Variants in PPIG observed in about 807,000 individuals in gnomAD.
PPIG encodes peptidylprolyl isomerase G, also known as peptidyl-prolyl cis-trans isomerase G.
In PPIG, 26 loss-of-function variants were observed where a neutral mutation model predicts 87.9. The ratio of observed to expected loss-of-function variants is 0.30; its 90% CI spans 0.22 to 0.41. The LOEUF is 0.41. PPIG is among the 10% of genes least tolerant of loss of function. The pLI, the probability that PPIG is intolerant of heterozygous loss-of-function variation, is 1.00. For synonymous variants in PPIG, 308 were observed against 276.5 expected (o/e 1.11, Z -1.13); for missense variants, 722 against 879.4 (o/e 0.82, Z 2.26).
chr2:169,620,012 T>C (rs1685702375), intron 9 of PPIG, among the ~76,000 whole-genome samples: 2 of 152,198 alleles, frequency 1.3e-5, no homozygotes, highest in East Asian at 1.9e-4. Flanking sequence ...GCAAATATTT[T>C]CTCCCATTCC....
chr2:169,604,328 T>A, intron 4 of PPIG, 67 bp downstream of exon 4: 1 of 43,872 alleles, frequency 2.3e-5, no homozygotes, highest in Non-Finnish European at 3.8e-5. Context: ...GCTTGCTTGG[T>A]TTTTTTTTTT....
rs914664033 is a variant in PPIG at position 169,584,501 on chromosome 2, T to A, written c.-70+11T>A. On this transcript the variant is annotated intron_variant, in intron 1 of 13. Transcript: ENST00000260970. ...ACTCTACCGGTGCAGGTAAGTGGTA[T>A]GAGGCTCAAGTTGTTCTGGCGGCGT... 2 of 470,646 alleles carry A rather than the reference T, an allele frequency of 4.2e-6. No individual in the cohort carries two copies. The highest frequency in any genetic ancestry group is 4.7e-5 in the Admixed American group (2 of 42,478). The allele number at this position is 470,646 out of a possible 1,614,324, so 29.2% of individuals were successfully genotyped here.
chr2:169,609,509 A>G (rs1685429387), intron 7 of PPIG, among the ~76,000 whole-genome samples: 1 of 152,176 alleles, frequency 6.6e-6, no homozygotes, highest in African/African-American at 2.4e-5. Flanking sequence ...AGGGGAAGTT[A>G]AATTGTTCTG....
intron 9 of PPIG, among the ~76,000 whole-genome samples, chr2:169,623,152 T>C (rs16857081): frequency 0.11 from 16,826 of 152,096 alleles, 1,069 homozygotes; most frequent in African/African-American, 0.17. Flanking sequence ...GATGCAGAGA[T>C]GGAACACTGG....
chr2:169,622,379 G>T (rs1685780688), intron 9 of PPIG, among the ~76,000 whole-genome samples: 3 of 152,218 alleles, frequency 2.0e-5, no homozygotes, highest in Non-Finnish European at 4.4e-5. Context: ...TTTGCCTAAA[G>T]GAGGAAGTAA....
At position 169,637,627 on chromosome 2, in the gene PPIG, G is replaced by A. The variant is rs1260968820; in HGVS notation, c.*104G>A. 1.6e-6 allele frequency: 2 copies of A among 1,212,184 alleles called. No homozygotes were observed. The highest frequency in any genetic ancestry group is 1.8e-5 in the South Asian group (1 of 54,536). The allele number at this position is 1,212,184 out of a possible 1,614,324, so 75.1% of individuals were successfully genotyped here. On this transcript the variant is annotated 3_prime_UTR_variant, in exon 14 of 14. Coordinates refer to ENST00000260970, the MANE Select transcript of PPIG (RefSeq NM_004792.3). ...TTTTCCTTTTCATTGTTTTTGGATT[G>A]TTTTATGTTTGTCCTTTTTTTTCTT...
intron 7 of PPIG, among the ~76,000 whole-genome samples, chr2:169,612,904 A>T (rs1225288072): frequency 6.6e-6 from 1 of 152,090 alleles, no homozygotes; most frequent in Non-Finnish European, 1.5e-5. Context: ...CTTTGTGAGG[A>T]ACTTCCATAC....
At chr2:169,627,165 C>G (rs1369124927) in intron 9 of PPIG, among the ~76,000 whole-genome samples, 1 of 152,204 alleles carries the variant, frequency 6.6e-6, no homozygotes, top group African/African-American at 2.4e-5. Context: ...GTGGTGCAAT[C>G]TTGGCTTACT....
intron 1 of PPIG, among the ~76,000 whole-genome samples, chr2:169,599,812 G>A (rs151280255): frequency 2.4e-3 from 365 of 152,248 alleles, no homozygotes; most frequent in African/African-American, 8.4e-3. Flanking sequence ...AATTGCCCTA[G>A]TGCCCCCATT....
chr2:169,627,663 A>G (rs1685926915), intron 9 of PPIG, among the ~76,000 whole-genome samples: 1 of 144,778 alleles, frequency 6.9e-6, no homozygotes, highest in African/African-American at 2.6e-5. Context: ...AAGTGCTGGA[A>G]TTACAGGCGT....
chr2:169,608,876 A>G, intron 7 of PPIG, 118 bp downstream of exon 7: 1 of 554,740 alleles, frequency 1.8e-6, no homozygotes, highest in Non-Finnish European at 3.3e-6. Flanking sequence ...AGGTCAGGAG[A>G]TCGAGACCAT....
At chr2:169,620,783 G>C (rs1685728098) in intron 9 of PPIG, among the ~76,000 whole-genome samples, 1 of 152,042 alleles carries the variant, frequency 6.6e-6, no homozygotes, top group Non-Finnish European at 1.5e-5. Context: ...GAAATATGTG[G>C]CTGATACTAT....
intron 11 of PPIG, among the ~76,000 whole-genome samples, chr2:169,632,490 C>T (rs1250940317): frequency 6.6e-6 from 1 of 152,080 alleles, no homozygotes; most frequent in Admixed American, 6.6e-5. Flanking sequence ...GCCTGTAATC[C>T]CAGCACTTTG....
At chr2:169,597,859 T>TTGC (rs1685065261) in intron 1 of PPIG, among the ~76,000 whole-genome samples, 1 of 8,904 alleles carries the variant, frequency 1.1e-4, no homozygotes, top group African/African-American at 2.7e-4. Flanking sequence ...ACCTTGCTTG[T>TTGC]TTGTTTGTTT....
chr2:169,595,346 G>A (rs755752280), intron 1 of PPIG, among the ~76,000 whole-genome samples: 1 of 152,192 alleles, frequency 6.6e-6, no homozygotes, highest in African/African-American at 2.4e-5. Flanking sequence ...GGCATGCAAT[G>A]CATAATGATC....
chr2:169,628,923 A>G (rs1685963901), intron 9 of PPIG, among the ~76,000 whole-genome samples: 1 of 138,614 alleles, frequency 7.2e-6, no homozygotes, highest in African/African-American at 2.7e-5. Flanking sequence ...TGGGCAACAG[A>G]GCAAGACCCT....
intron 4 of PPIG, 120 bp from the exon 5 acceptor site, chr2:169,605,919 A>C (rs1685313848): frequency 3.0e-6 from 2 of 674,144 alleles, no homozygotes; most frequent in Non-Finnish European, 5.1e-6. Context: ...AATTCCTGAA[A>C]GGAATGAAAA....
intron 1 of PPIG, among the ~76,000 whole-genome samples, chr2:169,600,051 G>A (rs1197827653): frequency 6.6e-6 from 1 of 151,290 alleles, no homozygotes; most frequent in East Asian, 1.9e-4. Flanking sequence ...TTGTGGGGAG[G>A]TACACATTTT....
chr2:169,616,413 GAATCGCCACACTGTCTTCTAC>G (rs1685610279), intron 9 of PPIG, among the ~76,000 whole-genome samples: 1 of 152,136 alleles, frequency 6.6e-6, no homozygotes. Flanking sequence ...GATCCTTGAG[GAATCGCCACACTGTCTTCTAC>G]AATGGTTGAA....
Sources: allele counts gnomAD v4.1 joint callset (sites outside exome capture counted in the v4.1 genomes callset), GRCh38; gene constraint gnomAD v4.1.1; transcripts MANE v1.5; gene names NCBI Gene and HGNC (gene_info 2026-07-23, HGNC 2026-07-21).